Variants in ACCSL observed in about 807,000 individuals in gnomAD.
ACCSL encodes the protein 1-aminocyclopropane-1-carboxylate synthase homolog (inactive) like.
ACCSL carries 55 observed loss-of-function variants against 61.7 expected under a neutral mutation model. The ratio of observed to expected loss-of-function variants is 0.89; its 90% CI spans 0.72 to 1.12. The LOEUF (loss-of-function observed/expected upper bound fraction) is 1.12, where lower values mean the gene tolerates loss of function less well. Ranked by LOEUF, ACCSL falls within the 50% of genes most tolerant of loss-of-function variation. The pLI, the probability that ACCSL is intolerant of heterozygous loss-of-function variation, is 0.00. For synonymous variants in ACCSL, 258 were observed against 264.3 expected (o/e 0.98, Z 0.23); for missense variants, 632 against 698.0 (o/e 0.91, Z 1.07).
the ACCSL span, among the ~76,000 whole-genome samples, chr11:44,037,485 T>G: frequency 6.6e-6 from 1 of 152,248 alleles, no homozygotes; most frequent in Admixed American, 6.5e-5. Context: ...TCTCACCCGC[T>G]GCTTCTCTGA....
In ACCSL at chr11:44,052,707, G is replaced by T; in HGVS notation, c.818G>T (p.Ser273Ile). The T allele has an allele frequency of 1.9e-6, 3 of 1,614,134 alleles. No homozygotes were observed. The highest frequency in any genetic ancestry group is 1.3e-5 in the African/African-American group (1 of 75,018). Residue 273 changes from serine to isoleucine, a missense_variant, in exon 6 of 14, where the codon AGC becomes ATC. Ser to Ile is a moderately radical substitution (Grantham distance 142). Coordinates refer to ENST00000378832, the MANE Select transcript of ACCSL (RefSeq NM_001031854.2). ...CCCTTCTATGGTGGCTTTGCCTTTA[G>T]CTCCCGCCTGTATGCAAAGGTTGAG... ...PAPFYGGFAF[S>I]SRLYAKVELI...
the ACCSL span, among the ~76,000 whole-genome samples, chr11:44,007,583 G>A: frequency 6.6e-6 from 1 of 152,138 alleles, no homozygotes; most frequent in East Asian, 1.9e-4. Context: ...AAGGCCTTGG[G>A]TCAGTCCAAG....
the ACCSL span, among the ~76,000 whole-genome samples, chr11:43,931,352 A>G: frequency 3.9e-5 from 6 of 152,180 alleles, no homozygotes; most frequent in African/African-American, 1.4e-4. Context: ...GCATCAGTCT[A>G]TTCCCTGGAA....
chr11:43,958,817 A>C, the ACCSL span, among the ~76,000 whole-genome samples: 1 of 152,124 alleles, frequency 6.6e-6, no homozygotes, highest in East Asian at 1.9e-4. Context: ...CATGGCCATG[A>C]ACTCAGCTTC....
At chr11:43,976,018 C>G in the ACCSL span, among the ~76,000 whole-genome samples, 1 of 152,076 alleles carries the variant, frequency 6.6e-6, no homozygotes, top group Non-Finnish European at 1.5e-5. Context: ...TATGCCTGTC[C>G]CATCATTGAA....
chr11:43,975,751 T>C, the ACCSL span, among the ~76,000 whole-genome samples: 1 of 152,148 alleles, frequency 6.6e-6, no homozygotes, highest in Admixed American at 6.5e-5. Flanking sequence ...GTCAAATTTA[T>C]ACAAAGCTAC....
chr11:43,936,502 A>G, the ACCSL span, among the ~76,000 whole-genome samples: 1 of 145,790 alleles, frequency 6.9e-6, no homozygotes, highest in Non-Finnish European at 1.5e-5. Context: ...ACCCAGGGGC[A>G]TTGCTTCTAC....
At chr11:44,022,707 A>T in the ACCSL span, among the ~76,000 whole-genome samples, 1 of 152,138 alleles carries the variant, frequency 6.6e-6, no homozygotes, top group Non-Finnish European at 1.5e-5. Flanking sequence ...GTGGTGTTTT[A>T]TCCTATTTTT....
At chr11:43,933,518 A>G in the ACCSL span, 2 of 177,922 alleles carry the variant, frequency 1.1e-5, no homozygotes, top group Non-Finnish European at 2.4e-5. Context: ...GAGGGGTGAA[A>G]CTACTTTGCA....
chr11:44,038,469 A>T, the ACCSL span, among the ~76,000 whole-genome samples: 1 of 152,208 alleles, frequency 6.6e-6, no homozygotes, highest in Admixed American at 6.5e-5. Context: ...TTGAAGTATA[A>T]GCAGGAATGC....
the ACCSL span, among the ~76,000 whole-genome samples, chr11:43,969,760 G>A: frequency 6.6e-6 from 1 of 152,132 alleles, no homozygotes; most frequent in Admixed American, 6.6e-5. Flanking sequence ...TAGCCTGACA[G>A]AGCTTTCTCT....
Position 44,053,005 on chromosome 11 carries a change from C to A in ACCSL, c.885C>A (p.Asn295Lys), listed in dbSNP as rs775413904. The stretch of plus-strand genomic sequence containing the variant: ...TTCTCTTCCAGGTCACTGTTACAAA[C>A]ACCCATCCTTTCCAGCTCACTGTGG... Reference protein sequence around the residue: ...VHLESEVTVTNTHPFQLTVDK... With the variant: ...VHLESEVTVTKTHPFQLTVDK... Residue 295 changes from asparagine to lysine, a missense_variant, in exon 7 of 14, where the codon AAC (asparagine) becomes AAA (lysine). Coordinates refer to ENST00000378832, the MANE Select transcript of ACCSL (RefSeq NM_001031854.2). 1 of 1,614,128 alleles carries A rather than the reference C, an allele frequency of 6.2e-7. No individual in the cohort carries two copies. Among genetic ancestry groups the A allele is most frequent in the South Asian group, 1.1e-5 (1 of 91,078 alleles).
At chr11:43,984,894 G>C in the ACCSL span, among the ~76,000 whole-genome samples, 1 of 152,242 alleles carries the variant, frequency 6.6e-6, no homozygotes, top group African/African-American at 2.4e-5. Context: ...ATGGCCAGGG[G>C]CTCTTCGAGG....
chr11:43,943,609 A>G, the ACCSL span: 7 of 1,307,168 alleles, frequency 5.4e-6, no homozygotes, highest in Non-Finnish European at 7.1e-6. The surrounding 1 kb of genome is among the most constrained non-coding windows in gnomAD (Gnocchi z 4.8). Flanking sequence ...CCCTTGTCCG[A>G]TGGTTTGCAA....
At chr11:43,973,819 C>A in the ACCSL span, 1 of 152,130 alleles carries the variant, frequency 6.6e-6, no homozygotes, top group South Asian at 2.1e-4. Flanking sequence ...TTACAGAATT[C>A]TGTGTTTTTC....
At chr11:44,020,291 CT>C in the ACCSL span, among the ~76,000 whole-genome samples, 1 of 151,728 alleles carries the variant, frequency 6.6e-6, no homozygotes, top group Non-Finnish European at 1.5e-5. Flanking sequence ...AGTTTTACTC[CT>C]TTTTTTTCCA....
At chr11:43,970,309 G>C in the ACCSL span, among the ~76,000 whole-genome samples, 1 of 151,934 alleles carries the variant, frequency 6.6e-6, no homozygotes, top group Non-Finnish European at 1.5e-5. Context: ...GGGCTCACGT[G>C]ATCCTCCCAC....
upstream of ACCSL, among the ~76,000 whole-genome samples, chr11:44,046,847 G>A (rs1952601086): frequency 6.6e-6 from 1 of 152,130 alleles, no homozygotes; most frequent in African/African-American, 2.4e-5. Context: ...CTGGGATCTT[G>A]CTATCTGATT....
chr11:44,053,634 G>T, intron 8 of ACCSL, 128 bp downstream of exon 8: 1 of 802,852 alleles, frequency 1.2e-6, no homozygotes. Context: ...AGGCCGAGAA[G>T]GTGGATCACT....
Sources: gnomAD v4.1 joint callset for allele counts (sites outside exome capture counted in the v4.1 genomes callset) on GRCh38, gnomAD v4.1.1 for gene constraint, Gnocchi (gnomAD v3.1) non-coding constraint, MANE v1.5 for transcripts, NCBI Gene and HGNC (gene_info 2026-07-23, HGNC 2026-07-21) for gene names.